RFTN2: variants seen among roughly 807,000 people sequenced by gnomAD.
RFTN2 encodes the protein raftlin family member 2.
Under a neutral mutation model 52.7 loss-of-function variants are expected in RFTN2, and 34 were observed. That is an observed-to-expected ratio of 0.64 (90% CI 0.49 to 0.86). The LOEUF (loss-of-function observed/expected upper bound fraction) is 0.86, where lower values mean the gene tolerates loss of function less well. Ranked by LOEUF, RFTN2 falls within the 40% of genes least tolerant of loss-of-function variation. RFTN2 has a pLI of 0.00. For synonymous variants in RFTN2, 203 were observed against 217.7 expected, an observed-to-expected ratio of 0.93 and a Z score of 0.59; for missense variants, 536 against 600.1, an observed-to-expected ratio of 0.89 and a Z score of 1.12.
intron 8 of RFTN2, among the ~76,000 whole-genome samples, chr2:197,583,547 T>TAGA (rs2087544543): frequency 6.6e-6 from 1 of 151,970 alleles, no homozygotes; most frequent in Admixed American, 6.6e-5. Flanking sequence ...TCAGGAAAGG[T>TAGA]AGAACGGACT....
At chr2:197,609,535 C>T (rs1381664096) in intron 7 of RFTN2, among the ~76,000 whole-genome samples, 1 of 152,118 alleles carries the variant, frequency 6.6e-6, no homozygotes, top group Non-Finnish European at 1.5e-5. Flanking sequence ...GATATTAGCC[C>T]TTTGTCAGAT....
chr2:197,603,139 G>A (rs915815052), intron 7 of RFTN2, among the ~76,000 whole-genome samples: 2 of 152,084 alleles, frequency 1.3e-5, no homozygotes, highest in African/African-American at 2.4e-5. Flanking sequence ...TGAGTTAATG[G>A]GTGCAGCACA....
intron 8 of RFTN2, among the ~76,000 whole-genome samples, chr2:197,576,578 T>G (rs1232701505): frequency 6.6e-6 from 1 of 152,234 alleles, no homozygotes; most frequent in Non-Finnish European, 1.5e-5. Context: ...ATACCCAGGC[T>G]GATCTTACAG....
chr2:197,585,223 C>G (rs895819455), intron 8 of RFTN2, among the ~76,000 whole-genome samples: 1 of 152,186 alleles, frequency 6.6e-6, no homozygotes, highest in South Asian at 2.1e-4. Flanking sequence ...CATCCTTACC[C>G]TACTTTTTGC....
chr2:197,659,896 A>G (rs1423934522), intron 1 of RFTN2, among the ~76,000 whole-genome samples: 1 of 152,254 alleles, frequency 6.6e-6, no homozygotes, highest in African/African-American at 2.4e-5. Context: ...TCCATATTTT[A>G]TCTAGCAATT....
At chr2:197,626,582 T>TAAAC (rs1441644029) in intron 5 of RFTN2, among the ~76,000 whole-genome samples, 1 of 139,640 alleles carries the variant, frequency 7.2e-6, no homozygotes, top group African/African-American at 2.6e-5. Flanking sequence ...AATAAATAAA[T>TAAAC]AAATAAAGTT....
chr2:197,661,015 A>T (rs1011950060), intron 1 of RFTN2, among the ~76,000 whole-genome samples: 4 of 151,968 alleles, frequency 2.6e-5, no homozygotes, highest in African/African-American at 7.3e-5. Flanking sequence ...GTACCTGATA[A>T]TCTACATTTC....
intron 8 of RFTN2, among the ~76,000 whole-genome samples, chr2:197,583,795 A>C (rs1216215593): frequency 6.6e-6 from 1 of 151,652 alleles, no homozygotes; most frequent in African/African-American, 2.4e-5. Context: ...ACCCCACGAC[A>C]GGCCCCGGTG....
At chr2:197,664,993 G>T (rs2089031408) in intron 1 of RFTN2, among the ~76,000 whole-genome samples, 2 of 152,110 alleles carry the variant, frequency 1.3e-5, no homozygotes, top group African/African-American at 2.4e-5. Context: ...TAGACACTGG[G>T]ACTACTAGAG....
chr2:197,578,813 G>T (rs545057447), intron 8 of RFTN2, among the ~76,000 whole-genome samples: 1 of 152,260 alleles, frequency 6.6e-6, no homozygotes, highest in Admixed American at 6.5e-5. Flanking sequence ...ACCACCCTTG[G>T]CAGATCAATC....
chr2:197,579,354 C>G (rs1041533029), intron 8 of RFTN2, among the ~76,000 whole-genome samples: 1 of 152,186 alleles, frequency 6.6e-6, no homozygotes, highest in Non-Finnish European at 1.5e-5. Context: ...GGGCAACCTT[C>G]CATCCTCCAT....
chr2:197,607,387 G>A (rs187619957), intron 7 of RFTN2, among the ~76,000 whole-genome samples: 15 of 152,024 alleles, frequency 9.9e-5, no homozygotes, highest in Admixed American at 2.6e-4. Flanking sequence ...GCTAAATGAC[G>A]AGTTAATGGG....
intron 5 of RFTN2, among the ~76,000 whole-genome samples, chr2:197,618,855 G>A (rs545045977): frequency 3.4e-5 from 5 of 145,552 alleles, no homozygotes; most frequent in East Asian, 2.1e-4. Flanking sequence ...CCCGGCAGCC[G>A]CCCCGTCTGA....
chr2:197,582,826 G>T (rs1019411156), intron 8 of RFTN2, among the ~76,000 whole-genome samples: 4 of 152,110 alleles, frequency 2.6e-5, no homozygotes, highest in Non-Finnish European at 5.9e-5. Context: ...GCCATCAAAA[G>T]GTGTCAAATC....
chr2:197,597,607 C>T (rs1320440408), intron 7 of RFTN2, among the ~76,000 whole-genome samples: 5 of 152,058 alleles, frequency 3.3e-5, no homozygotes, highest in Middle Eastern at 3.2e-3. Context: ...GCAACGTCAC[C>T]TCCTGGGTTC....
intron 5 of RFTN2, among the ~76,000 whole-genome samples, chr2:197,627,207 A>G (rs2088379133): frequency 6.6e-6 from 1 of 151,988 alleles, no homozygotes; most frequent in East Asian, 1.9e-4. Flanking sequence ...AGAATGGCCT[A>G]CCTCTGGTTC....
chr2:197,634,889 C>T (rs2088537709), intron 3 of RFTN2, among the ~76,000 whole-genome samples: 1 of 120,904 alleles, frequency 8.3e-6, no homozygotes, highest in Non-Finnish European at 1.7e-5. Flanking sequence ...CTCCCCCCTC[C>T]CCCCACCCCA....
chr2:197,597,099 G>A lies in RFTN2; in HGVS notation c.1155-1030C>T, dbSNP rs181816594. On this transcript the variant is annotated intron_variant, in intron 7 of 8. Transcript: ENST00000295049. ...AAATGAATGCAACACTGAAACTCTG[G>A]CTTTAGAGTTATATGTCAACTGCAT... Among the ~76,000 whole-genome samples the A allele has an allele frequency of 5.3e-5, 8 of 152,202 alleles. No homozygotes were observed. In the East Asian group the frequency reaches 1.5e-3, roughly 29 times the overall value.
chr2:197,656,119 C>T (rs2088891406), intron 1 of RFTN2, among the ~76,000 whole-genome samples: 2 of 152,208 alleles, frequency 1.3e-5, no homozygotes, highest in Admixed American at 1.3e-4. Context: ...AATCCTAGCT[C>T]TGCCACACCT....
Sources: gnomAD v4.1 joint callset for allele counts (sites outside exome capture counted in the v4.1 genomes callset) on GRCh38, gnomAD v4.1.1 for gene constraint, MANE v1.5 for transcripts, NCBI Gene and HGNC (gene_info 2026-07-23, HGNC 2026-07-21) for gene names.